Variants in SNRPC observed in about 807,000 individuals in gnomAD.
SNRPC encodes U1 small nuclear ribonucleoprotein C.
SNRPC carries 5 observed loss-of-function variants against 20.0 expected under a neutral mutation model. The ratio of observed to expected loss-of-function variants is 0.25; its 90% confidence interval spans 0.13 to 0.53. SNRPC has a LOEUF of 0.53. Among genes scored for constraint, SNRPC ranks in the 20% least tolerant of loss-of-function variants. The pLI is 0.96. For missense variants in SNRPC, 112 were observed against 224.1 expected, an observed-to-expected ratio of 0.50 and a Z score of 3.19; for synonymous variants, 61 against 58.7, an observed-to-expected ratio of 1.04 and a Z score of -0.18.
intron 5 of SNRPC, among the ~76,000 whole-genome samples, chr6:34,771,071 G>A (rs1043218523): frequency 6.6e-6 from 1 of 152,196 alleles, no homozygotes; most frequent in African/African-American, 2.4e-5. Context: ...GCTCATGCCT[G>A]TAATCCCAGC....
intron 1 of SNRPC, 71 bp downstream of exon 1, chr6:34,757,622 G>T: frequency 6.5e-7 from 1 of 1,537,828 alleles, no homozygotes; most frequent in Non-Finnish European, 9.0e-7. Flanking sequence ...AGCGGAGAGC[G>T]GGTTCTGGTT....
At position 34,757,965 on chromosome 6, in the gene SNRPC, TA is replaced by T; in HGVS notation, c.51+12del. On this transcript the variant is annotated intron_variant, in intron 2 of 5. Transcript: ENST00000244520. ...CTCACCCATGACTCTGTAAGTGGCA[TA>T]TCTATTCATAGTTTCAAAAAGCCTT... 1 of 1,603,392 alleles carries T rather than the reference TA, an allele frequency of 6.2e-7. No homozygotes were observed. Among genetic ancestry groups the T allele is most frequent in the East Asian group, 2.2e-5 (1 of 44,846 alleles).
chr6:34,769,316 G>A (rs1283624679), intron 4 of SNRPC, among the ~76,000 whole-genome samples: 2 of 142,524 alleles, frequency 1.4e-5, no homozygotes, highest in Non-Finnish European at 3.0e-5. Context: ...TGCAACCTCC[G>A]CCTCCTGGGT....
chr6:34,765,584 A>C (rs1486775831), intron 3 of SNRPC, among the ~76,000 whole-genome samples: 4 of 151,860 alleles, frequency 2.6e-5, no homozygotes, highest in African/African-American at 9.7e-5. Context: ...CTACAGGTGC[A>C]TGCCACCACA....
intron 4 of SNRPC, among the ~76,000 whole-genome samples, chr6:34,769,444 C>T (rs561975036): frequency 1.4e-4 from 21 of 152,068 alleles, no homozygotes; most frequent in South Asian, 1.0e-3. Context: ...CTGCCCGCCT[C>T]GGCCTCCCAA....
chr6:34,767,875 C>A, intron 3 of SNRPC, 33 bp from the exon 4 acceptor site: 3 of 1,343,334 alleles, frequency 2.2e-6, no homozygotes, highest in Non-Finnish European at 2.9e-6. Flanking sequence ...TCTTATTCAT[C>A]TTTTTTTTTT....
At chr6:34,762,842 G>T in intron 3 of SNRPC, 139 bp downstream of exon 3, 1 of 627,664 alleles carries the variant, frequency 1.6e-6, no homozygotes, top group South Asian at 1.7e-5. Context: ...AGAAGCAGAA[G>T]GTCATTGGTT....
At chr6:34,764,467 A>ACTC (rs1764586940) in intron 3 of SNRPC, among the ~76,000 whole-genome samples, 1 of 149,146 alleles carries the variant, frequency 6.7e-6, no homozygotes, top group Non-Finnish European at 1.5e-5. Flanking sequence ...CAAGAGGGAA[A>ACTC]CTCCGTCTCA....
intron 5 of SNRPC, 85 bp downstream of exon 5, chr6:34,770,480 A>G: frequency 2.4e-6 from 2 of 838,534 alleles, no homozygotes; most frequent in Non-Finnish European, 3.9e-6. Flanking sequence ...GGAAGTCAGT[A>G]TGTGTAGCCA....
rs927063652 is a variant in SNRPC, at chr6:34,767,800, G to C, written c.161-108G>C. On this transcript the variant is annotated intron_variant, in intron 3 of 5. Transcript: ENST00000244520. ...TAATTTTAGATGACAACTAGCAAGA[G>C]TAAAGTAATTGGAACCGTTGAAGAC... 3 of 1,132,672 alleles carry C rather than the reference G, an allele frequency of 2.6e-6. No homozygotes were observed. The South Asian group carries it at 5.9e-5, about 22-fold the overall frequency. The allele number at this position is 1,132,672 out of a possible 1,614,324, so 70.2% of individuals were successfully genotyped here.
At chr6:34,759,350 G>A (rs1027732565) in intron 2 of SNRPC, among the ~76,000 whole-genome samples, 4 of 152,146 alleles carry the variant, frequency 2.6e-5, no homozygotes, top group Admixed American at 2.6e-4. Flanking sequence ...CCAGCACTTC[G>A]GGAGGCCGAG....
At chr6:34,758,302 C>T (rs1216890533) in intron 2 of SNRPC, among the ~76,000 whole-genome samples, 1 of 151,930 alleles carries the variant, frequency 6.6e-6, no homozygotes, top group Non-Finnish European at 1.5e-5. Context: ...ACAGTTAAAG[C>T]AGAATGTTTT....
At chr6:34,768,088 G>A in intron 4 of SNRPC, 91 bp downstream of exon 4, 2 of 1,052,852 alleles carry the variant, frequency 1.9e-6, no homozygotes, top group Admixed American at 2.7e-5. Flanking sequence ...TTCAAATGCT[G>A]TTGCATTTGT....
chr6:34,770,495 T>A, intron 5 of SNRPC, 100 bp downstream of exon 5: 2 of 731,444 alleles, frequency 2.7e-6, no homozygotes, highest in Non-Finnish European at 4.7e-6. Flanking sequence ...TAGCCAAAGC[T>A]TGAAAATGGG....
At chr6:34,757,588 C>G in intron 1 of SNRPC, 37 bp downstream of exon 1, 1 of 1,605,040 alleles carries the variant, frequency 6.2e-7, no homozygotes, top group Non-Finnish European at 8.5e-7. Context: ...TGATCGTAGT[C>G]ACTAGTTGTG....
rs145761034 is a variant in SNRPC, at chr6:34,761,560, G to T, written c.52-1035G>T. ...TTTTGTGACGGAGTATCTCTGTGTC[G>T]CCCAGGTTGGAGTGCAATGGCATGA... On this transcript the variant is annotated intron_variant, in intron 2 of 5. Coordinates refer to ENST00000244520, the MANE Select transcript of SNRPC (RefSeq NM_003093.3). Among the ~76,000 whole-genome samples, 524 of 122,582 alleles carry T rather than the reference G, an allele frequency of 4.3e-3. 1 individual carries two copies. The highest frequency in any genetic ancestry group is 0.025 in the Middle Eastern group (4 of 160). The allele number at this position is 122,582 out of a possible 152,430, so 80.4% of individuals were successfully genotyped here.
chr6:34,761,088 A>G (rs886157540), intron 2 of SNRPC, among the ~76,000 whole-genome samples: 1 of 151,736 alleles, frequency 6.6e-6, no homozygotes, highest in Admixed American at 6.6e-5. Context: ...AGAAATGTGT[A>G]AAAACATTCA....
intron 4 of SNRPC, among the ~76,000 whole-genome samples, chr6:34,769,229 CT>C (rs11408407): frequency 0.22 from 28,742 of 128,722 alleles, 2,283 homozygotes; most frequent in East Asian, 0.3. Context: ...TTCTTTCTTT[CT>C]TTTTTTTTTT....
intron 5 of SNRPC, among the ~76,000 whole-genome samples, chr6:34,771,929 G>A (rs544221741): frequency 3.3e-5 from 5 of 152,224 alleles, no homozygotes; most frequent in Non-Finnish European, 7.3e-5. Flanking sequence ...ACTGGGGAAT[G>A]CATGATTCAT....
Sources: gnomAD v4.1 joint callset for allele counts (sites outside exome capture counted in the v4.1 genomes callset) on GRCh38, gnomAD v4.1.1 for gene constraint, MANE v1.5 for transcripts, NCBI Gene and HGNC (gene_info 2026-07-23, HGNC 2026-07-21) for gene names.